Variants in PDHX observed in about 807,000 individuals in gnomAD.
PDHX encodes the protein pyruvate dehydrogenase protein X component, mitochondrial.
A neutral mutation model predicts 55.3 loss-of-function variants in PDHX; 33 were observed. The observed-to-expected ratio is 0.60, with a 90% CI of 0.45 to 0.80. PDHX has a LOEUF of 0.80. PDHX is among the 30% of genes least tolerant of loss of function. The probability of loss-of-function intolerance (pLI) is 0.00; values close to 1 mark genes in which losing one functional copy is unlikely to be tolerated. For synonymous variants in PDHX, 226 were observed against 219.4 expected, an observed-to-expected ratio of 1.03 and a Z score of -0.27; for missense variants, 622 against 619.9, an observed-to-expected ratio of 1.00 and a Z score of -0.04.
At chr11:34,984,189 T>A (rs938667623) in intron 8 of PDHX, among the ~76,000 whole-genome samples, 1 of 152,180 alleles carries the variant, frequency 6.6e-6, no homozygotes, top group African/African-American at 2.4e-5. Flanking sequence ...TGATCTAATA[T>A]TATTACCTGT....
intron 9 of PDHX, 193 bp downstream of exon 9, chr11:34,984,921 A>G (rs1855608005): frequency 1.9e-6 from 1 of 537,616 alleles, no homozygotes; most frequent in Admixed American, 3.3e-5. Flanking sequence ...CCATTGTAAG[A>G]AAATTTAATA....
intron 2 of PDHX, among the ~76,000 whole-genome samples, chr11:34,944,378 C>T (rs1483489944): frequency 6.6e-6 from 1 of 152,030 alleles, no homozygotes; most frequent in African/African-American, 2.4e-5. Context: ...CCTCGGCCTC[C>T]CAAAGTGATG....
chr11:34,931,363 A>C, intron 1 of PDHX, 41 bp from the exon 2 acceptor site: 1 of 1,061,118 alleles, frequency 9.4e-7, no homozygotes, highest in Non-Finnish European at 1.5e-6. Context: ...CATGAGGTGC[A>C]TTATTTGTTG....
upstream of PDHX, chr11:34,916,355 C>A: frequency 6.3e-7 from 1 of 1,578,150 alleles, no homozygotes; most frequent in Non-Finnish European, 8.6e-7. Context: ...GCCTGGGATA[C>A]GGCAGCGAGG....
chr11:34,936,889 C>T (rs1172655607), intron 2 of PDHX, among the ~76,000 whole-genome samples: 1 of 148,110 alleles, frequency 6.8e-6, no homozygotes, highest in Non-Finnish European at 1.5e-5. Flanking sequence ...CCCAGGTTCA[C>T]GTGAGTCTTG....
intron 7 of PDHX, among the ~76,000 whole-genome samples, chr11:34,976,994 G>A (rs1855393748): frequency 6.6e-6 from 1 of 152,086 alleles, no homozygotes; most frequent in Non-Finnish European, 1.5e-5. Flanking sequence ...AGCACTGTAA[G>A]TCCATTTATA....
chr11:34,959,190 AATAT>A (rs1854967440), intron 4 of PDHX, among the ~76,000 whole-genome samples: 1 of 151,992 alleles, frequency 6.6e-6, no homozygotes, highest in South Asian at 2.1e-4. Context: ...ATATATAATA[AATAT>A]ATATAATTGT....
In PDHX at chr11:34,980,352, C is replaced by CTTTTTTTTTTTTTTTTTTTTTTTTT. The variant is rs57927359; in HGVS notation, c.1023+2184_1023+2185insTTTTTTTTTTTTTTTTTTTTTTTTT. 2.8e-4 allele frequency among the ~76,000 whole-genome samples: 21 copies of CTTTTTTTTTTTTTTTTTTTTTTTTT among 74,822 alleles called. 9 individuals carry two copies. The highest frequency in any genetic ancestry group is 1.8e-3 in the East Asian group (4 of 2,266). The allele number at this position is 74,822 out of a possible 152,430, so 49.1% of individuals were successfully genotyped here. A position where few individuals can be genotyped will look rare whatever the true frequency, so the allele number is the denominator to read the frequency against. The stretch of plus-strand genomic sequence containing the variant: ...TTTTTAATAAGGTTTAAGATAGTTT[C>CTTTTTTTTTTTTTTTTTTTTTTTTT]TTTTTTTTTTTTTTGAGCAGCAGCA... On this transcript the variant is annotated intron_variant, in intron 8 of 10. Coordinates refer to ENST00000227868, the MANE Select transcript of PDHX (RefSeq NM_003477.3).
intron 3 of PDHX, among the ~76,000 whole-genome samples, chr11:34,949,628 A>C (rs1296347128): frequency 6.6e-6 from 1 of 151,946 alleles, no homozygotes; most frequent in Non-Finnish European, 1.5e-5. Context: ...TATTTAGCAA[A>C]TTGAACAGCA....
intron 2 of PDHX, among the ~76,000 whole-genome samples, chr11:34,936,806 C>A (rs2915196): frequency 2.1e-5 from 2 of 94,868 alleles, no homozygotes; most frequent in African/African-American, 4.4e-5. Context: ...TTTTTTTTTT[C>A]TGAGACAGAG....
At chr11:34,977,831 T>G (rs1315845867) in intron 7 of PDHX, 3 of 491,362 alleles carry the variant, frequency 6.1e-6, no homozygotes, top group Non-Finnish European at 1.2e-5. Context: ...TTTTTCTGAT[T>G]ATGCTTGTAA....
At chr11:34,932,912 A>G (rs1036701501) in intron 2 of PDHX, among the ~76,000 whole-genome samples, 2 of 152,244 alleles carry the variant, frequency 1.3e-5, no homozygotes, top group African/African-American at 2.4e-5. Flanking sequence ...AATGAGGAAT[A>G]TCTCTTTATA....
intron 2 of PDHX, among the ~76,000 whole-genome samples, chr11:34,936,410 A>T (rs1461272378): frequency 6.6e-6 from 1 of 152,234 alleles, no homozygotes; most frequent in Non-Finnish European, 1.5e-5. Context: ...GTGGTCAGTT[A>T]GTAAAGGTAA....
chr11:34,946,204 CT>C (rs1854615315), intron 2 of PDHX, among the ~76,000 whole-genome samples: 1 of 151,984 alleles, frequency 6.6e-6, no homozygotes, highest in Non-Finnish European at 1.5e-5. Flanking sequence ...AGAATATATT[CT>C]GTTGTTTCTT....
chr11:34,976,059 A>G (rs759706909), intron 7 of PDHX, among the ~76,000 whole-genome samples: 8 of 152,206 alleles, frequency 5.3e-5, no homozygotes, highest in Non-Finnish European at 8.8e-5. Flanking sequence ...AGAGGTTAAT[A>G]TGGGAATCAC....
chr11:34,969,210 A>T (rs2762959), intron 6 of PDHX, among the ~76,000 whole-genome samples: 88,603 of 152,060 alleles, frequency 0.58, 27,965 homozygotes, highest in East Asian at 0.75. Context: ...GGTGTATTAA[A>T]TGCACTTTGA....
At chr11:34,954,419 T>C (rs762816640) in intron 3 of PDHX, among the ~76,000 whole-genome samples, 1 of 152,192 alleles carries the variant, frequency 6.6e-6, no homozygotes, top group African/African-American at 2.4e-5. Context: ...AGGTGATTGA[T>C]TGGTTAAGAT....
At chr11:34,964,990 C>A (rs575253256) in intron 5 of PDHX, among the ~76,000 whole-genome samples, 1 of 152,082 alleles carries the variant, frequency 6.6e-6, no homozygotes, top group East Asian at 1.9e-4. Flanking sequence ...GATTTTTGCA[C>A]CCCAGTTAGA....
upstream of PDHX, chr11:34,916,374 G>A (rs757293776): frequency 4.4e-5 from 69 of 1,562,516 alleles, no homozygotes; most frequent in South Asian, 7.8e-4. Flanking sequence ...GGCCGCAAAT[G>A]CAATCAGGCG....
Sources: gnomAD v4.1 joint callset for allele counts (sites outside exome capture counted in the v4.1 genomes callset) on GRCh38, gnomAD v4.1.1 for gene constraint, MANE v1.5 for transcripts, NCBI Gene and HGNC (gene_info 2026-07-23, HGNC 2026-07-21) for gene names.